AFDN: variants seen among roughly 807,000 people sequenced by gnomAD.
AFDN encodes afadin.
Under a neutral mutation model 216.6 loss-of-function variants are expected in AFDN, and 68 were observed. That is an observed-to-expected ratio of 0.31 (90% CI 0.26 to 0.38). AFDN has a LOEUF of 0.38. AFDN is among the 10% of genes least tolerant of loss of function. AFDN has a pLI of 1.00. For synonymous variants in AFDN, 868 were observed against 853.7 expected (o/e 1.02, Z -0.29); for missense variants, 2,136 against 2,342.0 (o/e 0.91, Z 1.82).
chr6:167,904,399 C>T lies in AFDN; in HGVS notation c.1650+2013C>T, dbSNP rs182617449. ...AATTTTTGTATTTTTTAGTAGAGAT[C>T]GTGTTTCGCCATGTTGCCCAGGCTG... On this transcript the variant is annotated intron_variant, in intron 12 of 33. Coordinates refer to ENST00000683244, the MANE Select transcript of AFDN (RefSeq NM_001386888.1). Among the ~76,000 whole-genome samples the T allele has an allele frequency of 6.4e-4, 97 of 151,968 alleles. 1 individual carries two copies. The highest frequency in any genetic ancestry group is 9.8e-4 in the Admixed American group (15 of 15,286).
intron 32 of AFDN, 31 bp from the exon 33 acceptor site, chr6:167,969,082 CT>C (rs771248723): frequency 6.6e-7 from 1 of 1,521,732 alleles, no homozygotes; most frequent in South Asian, 1.1e-5. Flanking sequence ...TAATCAGGTA[CT>C]TTAACTTGTA....
In AFDN at chr6:167,965,030, G is replaced by C. The variant is rs888320472; in HGVS notation, c.4969-727G>C. ...TATATTTGAATATCTTGTTGCTGTTGCTGTTAGTTCCTGGCTCTCTAATTT... is the reference window on the plus strand; with the variant it reads ...TATATTTGAATATCTTGTTGCTGTTCCTGTTAGTTCCTGGCTCTCTAATTT... On this transcript the variant is annotated intron_variant, in intron 31 of 33. Coordinates refer to ENST00000683244, the MANE Select transcript of AFDN (RefSeq NM_001386888.1). 4 of 1,044,518 alleles carry C rather than the reference G, an allele frequency of 3.8e-6. No individual in the cohort carries two copies. In the African/African-American group the frequency reaches 6.7e-5, roughly 17 times the overall value. 64.7% of individuals were successfully genotyped at this position (1,044,518 alleles called of 1,614,324 possible). A position where few individuals can be genotyped will look rare whatever the true frequency, so the allele number is the denominator to read the frequency against.
chr6:167,838,829 T>G (rs1780736017), intron 1 of AFDN, among the ~76,000 whole-genome samples: 1 of 152,202 alleles, frequency 6.6e-6, no homozygotes, highest in African/African-American at 2.4e-5. Context: ...TCATGGGTGC[T>G]CTGAATATTT....
chr6:167,861,763 A>C (rs779737547), intron 1 of AFDN, among the ~76,000 whole-genome samples: 1 of 152,058 alleles, frequency 6.6e-6, no homozygotes, highest in African/African-American at 2.4e-5. Context: ...TGGTTCTTTA[A>C]TATCTGGTAA....
At position 167,889,273 on chromosome 6, in the gene AFDN, T is replaced by A. The variant is rs1787263222; in HGVS notation, c.956T>A (p.Leu319His). 1 of 1,614,016 alleles carries A rather than the reference T, an allele frequency of 6.2e-7. No homozygotes were observed. The part of the protein sequence containing the change: ...SDEKGAKEII[L>H]DDDECPLQIF... ...GAAAAGGGTGCTAAAGAAATTATTCTTGATGATGATGAGTGTCCTTTACAA... is the reference window on the plus strand; with the variant it reads ...GAAAAGGGTGCTAAAGAAATTATTCATGATGATGATGAGTGTCCTTTACAA... Residue 319 changes from leucine to histidine, a missense_variant, in exon 7 of 34, where the codon CTT (leucine) becomes CAT (histidine). Physicochemically the swap from Leu to His is moderately conservative, Grantham distance 99. Coordinates refer to ENST00000683244, the MANE Select transcript of AFDN (RefSeq NM_001386888.1).
chr6:167,894,959 A>C (rs1788049476), intron 9 of AFDN, among the ~76,000 whole-genome samples: 1 of 152,054 alleles, frequency 6.6e-6, no homozygotes, highest in South Asian at 2.1e-4. Context: ...TTACTTATTT[A>C]CTGCTTTTGC....
chr6:167,878,626 A>C (rs989130365), intron 5 of AFDN, among the ~76,000 whole-genome samples: 1 of 138,350 alleles, frequency 7.2e-6, no homozygotes, highest in African/African-American at 2.6e-5. Flanking sequence ...TCTCTCTCAT[A>C]CACATAGAAC....
chr6:167,934,768 G>C lies in AFDN; in HGVS notation c.3100-8361G>C, dbSNP rs116230902. Among the ~76,000 whole-genome samples the C allele has an allele frequency of 4.7e-3, 713 of 152,064 alleles. 10 individuals carry two copies. Among genetic ancestry groups the C allele is most frequent in the African/African-American group, 0.016 (674 of 41,490 alleles). ...TGTTTATCACGTTGTACTCCCACACGCACTCAGGGTTTGCTACTGGAATGT... is the reference window on the plus strand; with the variant it reads ...TGTTTATCACGTTGTACTCCCACACCCACTCAGGGTTTGCTACTGGAATGT... On this transcript the variant is annotated intron_variant, in intron 23 of 33. Coordinates refer to ENST00000683244, the MANE Select transcript of AFDN (RefSeq NM_001386888.1).
At chr6:167,897,642 C>CTTTTT (rs57383020) in intron 10 of AFDN, among the ~76,000 whole-genome samples, 5,115 of 89,458 alleles carry the variant, frequency 0.057, 647 homozygotes, top group South Asian at 0.1. Context: ...GACTGTATGC[C>CTTTTT]TTTTTTTTTT....
chr6:167,913,474 C>T (rs1790666709), intron 16 of AFDN, 51 bp downstream of exon 16: 1 of 1,499,156 alleles, frequency 6.7e-7, no homozygotes, highest in Non-Finnish European at 9.0e-7. Flanking sequence ...AGCCAAGTTT[C>T]TCATGCTGCT....
intron 1 of AFDN, among the ~76,000 whole-genome samples, chr6:167,860,783 C>G (rs557465446): frequency 6.6e-6 from 1 of 152,304 alleles, no homozygotes; most frequent in East Asian, 1.9e-4. Context: ...TGAGCTGCCT[C>G]GGAGTCCCTC....
intron 1 of AFDN, among the ~76,000 whole-genome samples, chr6:167,844,812 C>T (rs546262333): frequency 4.7e-5 from 7 of 150,156 alleles, no homozygotes; most frequent in Non-Finnish European, 1.0e-4. Flanking sequence ...ATTTGTAATT[C>T]CTTATTCATT....
chr6:167,879,221 T>C (rs948329673), intron 5 of AFDN, among the ~76,000 whole-genome samples: 11 of 152,220 alleles, frequency 7.2e-5, no homozygotes, highest in Non-Finnish European at 1.6e-4. Context: ...AGCAGGTCCA[T>C]ATTCTAATAC....
At chr6:167,836,659 GT>G (rs1780477471) in intron 1 of AFDN, among the ~76,000 whole-genome samples, 1 of 152,080 alleles carries the variant, frequency 6.6e-6, no homozygotes, top group Admixed American at 6.6e-5. Flanking sequence ...ATATTGTGTT[GT>G]TAATTTATGG....
At position 167,969,720 on chromosome 6, in the gene AFDN, G is replaced by A. The variant is rs1797891004; in HGVS notation, c.5343-62G>A. On this transcript the variant is annotated intron_variant, in intron 33 of 33. Coordinates refer to ENST00000683244, the MANE Select transcript of AFDN (RefSeq NM_001386888.1). ...TTAATCGCCCATTTTGCAAACGTGT[G>A]TAATTGTTGACAGGTTGTTTCTAGT... 4.6e-6 allele frequency: 7 copies of A among 1,507,114 alleles called. No individual in the cohort carries two copies. In the African/African-American group the frequency reaches 5.7e-5, roughly 12 times the overall value. The allele number at this position is 1,507,114 out of a possible 1,614,324, so 93.4% of individuals were successfully genotyped here.
intron 1 of AFDN, among the ~76,000 whole-genome samples, chr6:167,858,096 T>A (rs1178351097): frequency 6.6e-6 from 1 of 152,132 alleles, no homozygotes; most frequent in Non-Finnish European, 1.5e-5. Context: ...TTTTTAAGAG[T>A]ACTGTGGGGA....
chr6:167,881,697 G>T (rs1786130308), intron 6 of AFDN, among the ~76,000 whole-genome samples: 1 of 152,184 alleles, frequency 6.6e-6, no homozygotes. Flanking sequence ...TAAAACTGAT[G>T]GGAGGTGGGT....
chr6:167,948,036 C>T, intron 28 of AFDN, 92 bp downstream of exon 28: 2 of 978,004 alleles, frequency 2.0e-6, no homozygotes, highest in Non-Finnish European at 3.1e-6. Context: ...AATTTTTACT[C>T]TGAATTAGCA....
intron 23 of AFDN, among the ~76,000 whole-genome samples, chr6:167,927,667 A>G (rs1212673705): frequency 6.6e-6 from 1 of 152,142 alleles, no homozygotes; most frequent in Non-Finnish European, 1.5e-5. Context: ...GCTGCCTCTC[A>G]GAGACCAAGA....
Sources: gnomAD v4.1 joint callset for allele counts (sites outside exome capture counted in the v4.1 genomes callset) on GRCh38, gnomAD v4.1.1 for gene constraint, MANE v1.5 for transcripts, NCBI Gene and HGNC (gene_info 2026-07-23, HGNC 2026-07-21) for gene names.